Variants in SNX10 observed in about 807,000 individuals in gnomAD.
SNX10 encodes the protein sorting nexin-10.
SNX10 carries 25 observed loss-of-function variants against 28.5 expected under a neutral mutation model. The ratio of observed to expected loss-of-function variants is 0.88; its 90% confidence interval spans 0.64 to 1.22. SNX10 has a LOEUF of 1.22. Among genes scored for constraint, SNX10 ranks in the 50% most tolerant of loss-of-function variants. SNX10 has a pLI of 0.00. For synonymous variants in SNX10, 62 were observed against 81.4 expected (o/e 0.76, Z 1.28); for missense variants, 223 against 242.6 (o/e 0.92, Z 0.54).
chr7:26,365,180 G>C, intron 5 of SNX10, 35 bp downstream of exon 5: 3 of 1,282,590 alleles, frequency 2.3e-6, no homozygotes, highest in Non-Finnish European at 3.4e-6. Context: ...CCAGACAAGG[G>C]GTGTGAGCAA....
intron 1 of SNX10, among the ~76,000 whole-genome samples, chr7:26,329,761 G>A (rs978349330): frequency 1.3e-5 from 2 of 152,214 alleles, no homozygotes; most frequent in African/African-American, 4.8e-5. Flanking sequence ...ACCTGGTCAT[G>A]GAGCCAGTCA....
intron 1 of SNX10, among the ~76,000 whole-genome samples, chr7:26,294,933 C>A (rs986770846): frequency 6.6e-6 from 1 of 152,164 alleles, no homozygotes; most frequent in Non-Finnish European, 1.5e-5. Context: ...CACCCACCTG[C>A]GAATGTAAAG....
In SNX10 at chr7:26,371,803, C is replaced by CT. The variant is rs201825204; in HGVS notation, c.312-8dup. 3.9e-3 allele frequency: 5,018 copies of CT among 1,285,996 alleles called. No individual in the cohort carries two copies. The highest frequency in any genetic ancestry group is 8.3e-3 in the East Asian group (301 of 36,228). 79.7% of individuals were successfully genotyped at this position (1,285,996 alleles called of 1,614,324 possible). The stretch of plus-strand genomic sequence containing the variant: ...CCATCCTGTTCACCAATTATTTTTC[C>CT]TTTTTTTTTTAATATAGAGTCCTAC... On this transcript the variant is annotated splice_polypyrimidine_tract_variant and intron_variant, in intron 5 of 6. Transcript: ENST00000338523.
intron 2 of SNX10, 72 bp from the exon 3 acceptor site, chr7:26,360,903 C>T (rs1038442299): frequency 5.7e-6 from 9 of 1,580,948 alleles, no homozygotes; most frequent in East Asian, 2.3e-5. Context: ...TTAGTGCAGT[C>T]GTTTTGTTCA....
At chr7:26,322,455 T>C (rs1411214036) in intron 1 of SNX10, among the ~76,000 whole-genome samples, 1 of 152,134 alleles carries the variant, frequency 6.6e-6, no homozygotes, top group Non-Finnish European at 1.5e-5. Context: ...TCTAGCTACA[T>C]AAAAAGTCCA....
At chr7:26,294,611 T>C (rs539133698) in intron 1 of SNX10, among the ~76,000 whole-genome samples, 1 of 152,308 alleles carries the variant, frequency 6.6e-6, no homozygotes, top group Admixed American at 6.5e-5. Context: ...TCAGTTTACC[T>C]CTGGGGAAAC....
At position 26,354,926 on chromosome 7, in the gene SNX10, T is replaced by G. The variant is rs191411232; in HGVS notation, c.25-6049T>G. 1.1e-4 allele frequency among the ~76,000 whole-genome samples: 17 copies of G among 152,292 alleles called. No individual in the cohort carries two copies. The East Asian group carries it at 2.7e-3, about 24-fold the overall frequency. On this transcript the variant is annotated intron_variant, in intron 2 of 6. Coordinates refer to ENST00000338523, the MANE Select transcript of SNX10 (RefSeq NM_013322.3). ...GCCGAAAGATTTTCTTTGATTTTTTTTTTTTCTAAAAGTTTTTCTAAAAGT... is the reference window on the plus strand; with the variant it reads ...GCCGAAAGATTTTCTTTGATTTTTTGTTTTTCTAAAAGTTTTTCTAAAAGT...
chr7:26,368,387 ATAAACT>A (rs1357803526), intron 5 of SNX10, among the ~76,000 whole-genome samples: 4 of 152,180 alleles, frequency 2.6e-5, no homozygotes, highest in African/African-American at 4.8e-5. Context: ...CTGAGTAATT[ATAAACT>A]TAAAGTCCCT....
At chr7:26,296,091 C>T (rs1227092547) in intron 1 of SNX10, among the ~76,000 whole-genome samples, 2 of 151,242 alleles carry the variant, frequency 1.3e-5, no homozygotes, top group African/African-American at 4.9e-5. Flanking sequence ...GCTGTGATTG[C>T]ACCATTGTAC....
intron 1 of SNX10, among the ~76,000 whole-genome samples, chr7:26,343,387 C>T (rs1788253689): frequency 6.6e-6 from 1 of 152,178 alleles, no homozygotes; most frequent in African/African-American, 2.4e-5. Context: ...CCCTTAACCC[C>T]TCTGACCTTC....
intron 1 of SNX10, among the ~76,000 whole-genome samples, chr7:26,324,570 A>G (rs1482643880): frequency 6.6e-6 from 1 of 152,130 alleles, no homozygotes; most frequent in Non-Finnish European, 1.5e-5. Flanking sequence ...TATGTTGCCC[A>G]GGCTGGTCTT....
At chr7:26,326,181 T>C (rs1276587429) in intron 1 of SNX10, among the ~76,000 whole-genome samples, 4 of 152,300 alleles carry the variant, frequency 2.6e-5, no homozygotes, top group South Asian at 4.1e-4. Context: ...TCGAACAAAT[T>C]AGTTCTTCCC....
At chr7:26,372,109 A>G in intron 6 of SNX10, 76 bp downstream of exon 6, 2 of 910,202 alleles carry the variant, frequency 2.2e-6, no homozygotes, top group Admixed American at 2.6e-5. Flanking sequence ...GTGTATAGAT[A>G]TATATACACA....
At chr7:26,321,782 T>C (rs1787319393) in intron 1 of SNX10, among the ~76,000 whole-genome samples, 1 of 151,974 alleles carries the variant, frequency 6.6e-6, no homozygotes, top group Non-Finnish European at 1.5e-5. Flanking sequence ...CCAGTTTTTT[T>C]TTTTCCTTAA....
chr7:26,331,873 G>T (rs1787762781), intron 1 of SNX10, among the ~76,000 whole-genome samples: 1 of 152,168 alleles, frequency 6.6e-6, no homozygotes, highest in East Asian at 1.9e-4. Flanking sequence ...GTAGACTGTT[G>T]TGACCGGTTT....
At chr7:26,313,430 C>G (rs113662647) in intron 1 of SNX10, among the ~76,000 whole-genome samples, 237 of 152,164 alleles carry the variant, frequency 1.6e-3, no homozygotes, top group Middle Eastern at 3.4e-3. Context: ...CCTGATGCAC[C>G]TTTTTTGGCT....
rs1310134015 is a variant in SNX10 at position 26,357,105 on chromosome 7, CG to C, written c.25-3869del. On this transcript the variant is annotated intron_variant, in intron 2 of 6. Coordinates refer to ENST00000338523, the MANE Select transcript of SNX10 (RefSeq NM_013322.3). ...CCTAAGCTGCCCTACAGGAGCTTAG[CG>C]TCTGCTAGAGGAGGCCTACAGGTAA... The C allele has an allele frequency of 2.7e-6, 3 of 1,128,728 alleles. No individual in the cohort carries two copies. The African/African-American group carries it at 4.8e-5, about 18-fold the overall frequency. 69.9% of individuals were successfully genotyped at this position (1,128,728 alleles called of 1,614,324 possible).
At chr7:26,372,084 T>C (rs763149656) in intron 6 of SNX10, 51 bp downstream of exon 6, 46 of 1,098,534 alleles carry the variant, frequency 4.2e-5, no homozygotes, top group Admixed American at 2.7e-4. Flanking sequence ...TAATACATAG[T>C]ATGCACATAT....
intron 1 of SNX10, among the ~76,000 whole-genome samples, chr7:26,331,162 A>G (rs1323292275): frequency 1.4e-5 from 2 of 142,806 alleles, no homozygotes; most frequent in Non-Finnish European, 3.0e-5. Flanking sequence ...ATAAAAAAAG[A>G]GAACTAAAAA....
Sources: gnomAD v4.1 joint callset for allele counts (sites outside exome capture counted in the v4.1 genomes callset) on GRCh38, gnomAD v4.1.1 for gene constraint, MANE v1.5 for transcripts, NCBI Gene and HGNC (gene_info 2026-07-23, HGNC 2026-07-21) for gene names.